Variants in ZMYM5 observed in about 807,000 individuals in gnomAD.
ZMYM5 encodes the protein zinc finger MYM-type containing 5.
In ZMYM5, 41 loss-of-function variants were observed where a neutral mutation model predicts 61.8. The observed-to-expected ratio is 0.66, with a 90% CI of 0.52 to 0.86. The LOEUF is 0.86. ZMYM5 is among the 40% of genes least tolerant of loss of function. The probability of loss-of-function intolerance (pLI) is 0.00; values close to 1 mark genes in which losing one functional copy is unlikely to be tolerated. For missense variants in ZMYM5, 706 were observed against 786.7 expected, an observed-to-expected ratio of 0.90 and a Z score of 1.23; for synonymous variants, 257 against 276.4, an observed-to-expected ratio of 0.93 and a Z score of 0.70.
chr13:19,860,884 T>TGGG (rs60555072), intron 2 of ZMYM5, among the ~76,000 whole-genome samples: 2 of 90,076 alleles, frequency 2.2e-5, no homozygotes, highest in Non-Finnish European at 4.6e-5. Flanking sequence ...ATATCTCAGG[T>TGGG]GGGGGGGGGG....
At chr13:19,846,047 G>C (rs1593888844) in intron 4 of ZMYM5, among the ~76,000 whole-genome samples, 1 of 152,064 alleles carries the variant, frequency 6.6e-6, no homozygotes, top group African/African-American at 2.4e-5. Flanking sequence ...CGTAAATTCA[G>C]GTATGATCCA....
chr13:19,845,937 T>C (rs1457372655), intron 4 of ZMYM5, among the ~76,000 whole-genome samples: 1 of 152,086 alleles, frequency 6.6e-6, no homozygotes, highest in African/African-American at 2.4e-5. Flanking sequence ...CCAGATCCCC[T>C]CCTCTCCCAG....
At chr13:19,834,303 G>A (rs576933068) in intron 7 of ZMYM5, among the ~76,000 whole-genome samples, 2 of 70,534 alleles carry the variant, frequency 2.8e-5, no homozygotes, top group African/African-American at 6.3e-5. Context: ...AAAAAAAACA[G>A]AAGAAAAAAA....
intron 2 of ZMYM5, among the ~76,000 whole-genome samples, chr13:19,855,548 C>T (rs1013548760): frequency 2.0e-5 from 3 of 151,716 alleles, no homozygotes; most frequent in African/African-American, 7.3e-5. Flanking sequence ...AGGCATGAGC[C>T]ACCGCGCCCG....
intron 7 of ZMYM5, among the ~76,000 whole-genome samples, chr13:19,835,114 C>T (rs1477453936): frequency 2.6e-5 from 4 of 151,944 alleles, no homozygotes; most frequent in Non-Finnish European, 5.9e-5. Flanking sequence ...CCTCAGCTTC[C>T]AAAGTAGCTG....
At position 19,823,527 on chromosome 13, in the gene ZMYM5, ACATAAAATAGGTAAATATAGTT is replaced by A. The variant is rs1481005412; in HGVS notation, c.*928_*949del. 2 of 152,154 alleles carry A rather than the reference ACATAAAATAGGTAAATATAGTT, an allele frequency of 1.3e-5. No homozygotes were observed. The highest frequency in any genetic ancestry group is 2.9e-5 in the Non-Finnish European group (2 of 68,032). 9.4% of individuals were successfully genotyped at this position (152,154 alleles called of 1,614,324 possible). Reference sequence around the variant, plus strand: ...TTTAATATTTTTTATATTTTTATCAACATAAAATAGGTAAATATAGTTCACATACAATAATAAATGCTAAAAC... The same window carrying A: ...TTTAATATTTTTTATATTTTTATCAACACATACAATAATAAATGCTAAAAC... On this transcript the variant is annotated 3_prime_UTR_variant, in exon 8 of 8. Coordinates refer to ENST00000337963, the MANE Select transcript of ZMYM5 (RefSeq NM_001142684.2).
At position 19,823,945 on chromosome 13, in the gene ZMYM5, T is replaced by G. The variant is rs1890783152; in HGVS notation, c.*532A>C. The G allele has an allele frequency of 6.6e-6, 1 of 152,332 alleles. No homozygotes were observed. The highest frequency in any genetic ancestry group is 1.9e-4 in the East Asian group (1 of 5,204). The allele number at this position is 152,332 out of a possible 1,614,324, so 9.4% of individuals were successfully genotyped here. On this transcript the variant is annotated 3_prime_UTR_variant, in exon 8 of 8. Transcript: ENST00000337963. ...CCTCTGCCTCCTGGGTTCAAGCGAT[T>G]CTCCTGCCTCAGCCTCCTGAGTAGC...
chr13:19,827,049 GAAGA>G (rs2138477221), intron 7 of ZMYM5, among the ~76,000 whole-genome samples: 1 of 152,310 alleles, frequency 6.6e-6, no homozygotes, highest in South Asian at 2.1e-4. Context: ...TTTATAGGCA[GAAGA>G]TAGACTAACA....
At chr13:19,837,381 A>G (rs1952706218) in intron 6 of ZMYM5, 1 of 1,396,906 alleles carries the variant, frequency 7.2e-7, no homozygotes, top group Admixed American at 3.4e-5. Context: ...ATTTAATGTC[A>G]TCAGTAATAA....
chr13:19,846,592 C>T (rs1451963247), intron 4 of ZMYM5, among the ~76,000 whole-genome samples: 1 of 152,094 alleles, frequency 6.6e-6, no homozygotes, highest in Admixed American at 6.6e-5. Flanking sequence ...TATCCACCAC[C>T]ATGAACTTGA....
intron 2 of ZMYM5, among the ~76,000 whole-genome samples, chr13:19,862,186 T>G (rs1306904928): frequency 6.6e-6 from 1 of 152,158 alleles, no homozygotes; most frequent in African/African-American, 2.4e-5. Context: ...GTTCTGGAAC[T>G]TGAGAGAGTT....
intron 7 of ZMYM5, among the ~76,000 whole-genome samples, chr13:19,831,926 G>A (rs527456619): frequency 1.3e-5 from 2 of 151,346 alleles, no homozygotes; most frequent in East Asian, 3.9e-4. Context: ...CGTGATCTCG[G>A]CTCACTGCAA....
intron 2 of ZMYM5, among the ~76,000 whole-genome samples, chr13:19,857,093 G>A (rs968392610): frequency 3.3e-5 from 5 of 152,206 alleles, no homozygotes; most frequent in Non-Finnish European, 5.9e-5. Context: ...GCGACAGAGC[G>A]AGACTCCGTC....
At position 19,851,968 on chromosome 13, in the gene ZMYM5, A is replaced by G. The variant is rs765100888; in HGVS notation, c.213T>C (p.Ile71=). 6.2e-7 allele frequency: 1 copy of G among 1,614,066 alleles called. No homozygotes were observed. The highest frequency in any genetic ancestry group is 8.5e-7 in the Non-Finnish European group (1 of 1,180,006). Residue 71 remains isoleucine, a synonymous_variant, in exon 3 of 8, where the codon ATT becomes ATC. Coordinates refer to ENST00000337963, the MANE Select transcript of ZMYM5 (RefSeq NM_001142684.2). ...VFIESIQPPS[I]SAPAIADQRN... ...TTTGATCAGCTATTGCTGGAGCAGAAATTGAAGGAGGTTGTATAGATTCAA... is the reference window on the plus strand; with the variant it reads ...TTTGATCAGCTATTGCTGGAGCAGAGATTGAAGGAGGTTGTATAGATTCAA...
intron 6 of ZMYM5, 95 bp downstream of exon 6, chr13:19,837,561 C>A: frequency 6.2e-7 from 1 of 1,608,946 alleles, no homozygotes. Context: ...ATCCAGAACA[C>A]GTGCATTATG....
chr13:19,828,132 T>G (rs1891012045), intron 7 of ZMYM5, among the ~76,000 whole-genome samples: 1 of 151,882 alleles, frequency 6.6e-6, no homozygotes. Flanking sequence ...AAAAATGGAC[T>G]TGTTCTGTTT....
rs747166684 is a variant in ZMYM5 at position 19,824,697 on chromosome 13, C to T, written c.1790G>A (p.Gly597Glu). 2 of 1,350,540 alleles carry T rather than the reference C, an allele frequency of 1.5e-6. No individual in the cohort carries two copies. The highest frequency in any genetic ancestry group is 2.4e-5 in the South Asian group (2 of 84,436). The allele number at this position is 1,350,540 out of a possible 1,614,324, so 83.7% of individuals were successfully genotyped here. Reference protein sequence around the residue: ...SVFCLYCKLFGEGKNQLKNEN... With the variant: ...SVFCLYCKLFEEGKNQLKNEN... Reference sequence around the variant, plus strand: ...ATTTTTCAGTTGATTTTTTCCTTCCCCAAAGAGTTTGCAATATAGACAAAA... The same window carrying T: ...ATTTTTCAGTTGATTTTTTCCTTCCTCAAAGAGTTTGCAATATAGACAAAA... The change falls in exon 8 of 8, where the codon GGG (glycine) becomes GAG (glutamate). Residue 597 changes from glycine to glutamate, a missense_variant. Physicochemically the swap from Gly to Glu is moderately conservative, Grantham distance 98 (BLOSUM62 -2). This residue lies in a region of ZMYM5 where 226 missense variants were observed against 325.0 expected (regional missense o/e 0.70). Coordinates refer to ENST00000337963, the MANE Select transcript of ZMYM5 (RefSeq NM_001142684.2).
In ZMYM5 at chr13:19,838,850, TTAGCTG is replaced by T; in HGVS notation, c.716_721del (p.Pro239_Lys241delinsGln). 1.9e-6 allele frequency: 3 copies of T among 1,614,148 alleles called. No homozygotes were observed. Among genetic ancestry groups the T allele is most frequent in the Non-Finnish European group, 2.5e-6 (3 of 1,180,040 alleles). ...CTTTTTGCAATTTGCACAAGTGATT[TTAGCTG>T]GTTTAGTAAGTTGTTGTTGGGCTGT... is the stretch of plus-strand genomic sequence containing the variant. On this transcript the variant is annotated inframe_deletion, in exon 5 of 8. Coordinates refer to ENST00000337963, the MANE Select transcript of ZMYM5 (RefSeq NM_001142684.2).
intron 7 of ZMYM5, among the ~76,000 whole-genome samples, chr13:19,828,722 T>G (rs1891052313): frequency 2.0e-5 from 3 of 152,062 alleles, no homozygotes; most frequent in Admixed American, 2.0e-4. Flanking sequence ...GAAGTAGAAT[T>G]TGGATTAGTT....
Sources: allele counts gnomAD v4.1 joint callset (sites outside exome capture counted in the v4.1 genomes callset), GRCh38; gene constraint gnomAD v4.1.1; regional missense constraint gnomAD v4.1.1; transcripts MANE v1.5; gene names NCBI Gene and HGNC (gene_info 2026-07-23, HGNC 2026-07-21).